The following ULK4 variants were observed in gnomAD, a reference collection of about 807,000 sequenced individuals.
ULK4 encodes unc-51 like kinase 4, also known as inactive serine/threonine-protein kinase ULK4.
ULK4 carries 133 observed loss-of-function variants against 160.6 expected under a neutral mutation model. That is an observed-to-expected ratio of 0.83 (90% confidence interval 0.72 to 0.96). ULK4 has a LOEUF of 0.96. Among genes scored for constraint, ULK4 ranks in the 40% least tolerant of loss-of-function variants. The pLI, the probability that ULK4 is intolerant of heterozygous loss-of-function variation, is 0.00. For synonymous variants in ULK4, 534 were observed against 539.8 expected (o/e 0.99, Z 0.15); for missense variants, 1,580 against 1,499.5 (o/e 1.05, Z -0.89).
At chr3:41,681,861 C>T (rs1216301433) in intron 27 of ULK4, 57 bp from the exon 28 acceptor site, 13 of 1,580,696 alleles carry the variant, frequency 8.2e-6, no homozygotes, top group Non-Finnish European at 1.1e-5. Flanking sequence ...CTGATATCAA[C>T]CACTATCTAT....
chr3:41,742,810 T>C (rs1170818161), intron 22 of ULK4, among the ~76,000 whole-genome samples: 2 of 151,382 alleles, frequency 1.3e-5, no homozygotes, highest in Admixed American at 1.3e-4. Flanking sequence ...ACTGAAAAAA[T>C]ACAATAACCG....
At position 41,882,162 on chromosome 3, in the gene ULK4, A is replaced by C. The variant is rs1170128340; in HGVS notation, c.1656+1712T>G. The C allele has an allele frequency of 5.7e-6, 4 of 701,476 alleles. No individual in the cohort carries two copies. In the Admixed American group the frequency reaches 6.0e-5, roughly 11 times the overall value. 43.5% of individuals were successfully genotyped at this position (701,476 alleles called of 1,614,324 possible). ...CACGGAGTCCCAAGAATGCTGATACAGTTTTATTTATTTTGAAATATTTGT... is the reference window on the plus strand; with the variant it reads ...CACGGAGTCCCAAGAATGCTGATACCGTTTTATTTATTTTGAAATATTTGT... On this transcript the variant is annotated intron_variant, in intron 17 of 36. Transcript: ENST00000301831.
chr3:41,757,979 T>C (rs113440346), intron 21 of ULK4, among the ~76,000 whole-genome samples: 6 of 152,316 alleles, frequency 3.9e-5, no homozygotes, highest in African/African-American at 1.2e-4. Context: ...CTGCCCCCAT[T>C]CATATGTTAA....
intron 34 of ULK4, among the ~76,000 whole-genome samples, chr3:41,447,923 C>T (rs557503140): frequency 6.6e-6 from 1 of 152,280 alleles, no homozygotes; most frequent in East Asian, 1.9e-4. Context: ...CGAGCCGAGC[C>T]AGTGAGCCAT....
At chr3:41,685,301 G>T (rs1198955267) in intron 27 of ULK4, among the ~76,000 whole-genome samples, 1 of 152,156 alleles carries the variant, frequency 6.6e-6, no homozygotes, top group East Asian at 1.9e-4. Context: ...GCATAAAGAA[G>T]GTGAAGTTTC....
intron 35 of ULK4, among the ~76,000 whole-genome samples, chr3:41,306,473 T>TG (rs1251997989): frequency 1.1e-4 from 12 of 104,660 alleles, no homozygotes; most frequent in East Asian, 9.3e-4. Flanking sequence ...GGGAGGGAGG[T>TG]GGGGGGGTCA....
At chr3:41,484,997 A>G (rs1245394751) in intron 32 of ULK4, among the ~76,000 whole-genome samples, 1 of 152,262 alleles carries the variant, frequency 6.6e-6, no homozygotes, top group African/African-American at 2.4e-5. Context: ...CAGACATTGG[A>G]ATAACCTAAT....
At chr3:41,345,198 T>C (rs2080774750) in intron 35 of ULK4, among the ~76,000 whole-genome samples, 1 of 152,178 alleles carries the variant, frequency 6.6e-6, no homozygotes, top group Non-Finnish European at 1.5e-5. Context: ...AGTTCAACCA[T>C]TGTGGATGAC....
At chr3:41,621,523 C>A (rs943398930) in intron 30 of ULK4, among the ~76,000 whole-genome samples, 1 of 152,180 alleles carries the variant, frequency 6.6e-6, no homozygotes, top group Non-Finnish European at 1.5e-5. Flanking sequence ...AAAGGATTCC[C>A]TATTTAATAA....
At chr3:41,951,782 C>T (rs1700303064) in intron 2 of ULK4, among the ~76,000 whole-genome samples, 1 of 152,134 alleles carries the variant, frequency 6.6e-6, no homozygotes, top group Admixed American at 6.5e-5. Flanking sequence ...GGGCTCTGCC[C>T]TCATAAATAA....
At chr3:41,432,141 G>C (rs558218020) in intron 34 of ULK4, among the ~76,000 whole-genome samples, 1 of 151,976 alleles carries the variant, frequency 6.6e-6, no homozygotes, top group African/African-American at 2.4e-5. Flanking sequence ...AGGCAACGAC[G>C]GCTTCTACAG....
chr3:41,652,641 A>G (rs2034786612), intron 30 of ULK4, among the ~76,000 whole-genome samples: 3 of 152,210 alleles, frequency 2.0e-5, no homozygotes, highest in Admixed American at 6.5e-5. Context: ...GCAGTAGTGA[A>G]AAGCAGAAAG....
chr3:41,397,972 G>T, intron 35 of ULK4, 107 bp downstream of exon 35: 2 of 1,303,256 alleles, frequency 1.5e-6, no homozygotes, highest in Non-Finnish European at 2.1e-6. Flanking sequence ...GACAACTCTT[G>T]CAAATTCTCT....
intron 34 of ULK4, among the ~76,000 whole-genome samples, chr3:41,425,628 T>C (rs191815206): frequency 1.3e-5 from 2 of 152,282 alleles, no homozygotes; most frequent in East Asian, 1.9e-4. Flanking sequence ...ATATTCAACA[T>C]AATTCCCAAA....
intron 35 of ULK4, among the ~76,000 whole-genome samples, chr3:41,295,190 A>ACCTTT (rs1260123578): frequency 7.3e-6 from 1 of 136,812 alleles, no homozygotes; most frequent in African/African-American, 2.6e-5. Flanking sequence ...AGGCAAAACA[A>ACCTTT]TGGAGCAAAC....
chr3:41,516,426 A>G (rs1035200032), intron 32 of ULK4, among the ~76,000 whole-genome samples: 16 of 152,302 alleles, frequency 1.1e-4, no homozygotes, highest in South Asian at 8.3e-4. Flanking sequence ...AGGCTAGGAT[A>G]AAATATTTGC....
At chr3:41,550,977 A>C (rs1001058729) in intron 32 of ULK4, among the ~76,000 whole-genome samples, 3 of 152,046 alleles carry the variant, frequency 2.0e-5, no homozygotes, top group African/African-American at 7.2e-5. Context: ...AATACCATAA[A>C]GAATGCTGGA....
At chr3:41,776,536 A>G (rs17062370) in intron 21 of ULK4, among the ~76,000 whole-genome samples, 9,325 of 150,784 alleles carry the variant, frequency 0.062, 1,566 homozygotes, top group African/African-American at 0.21. Context: ...ACATTTCTAT[A>G]AACAGATACA....
At chr3:41,955,603 TA>T (rs1700455885) in intron 1 of ULK4, 1 of 156,052 alleles carries the variant, frequency 6.4e-6, no homozygotes, top group Non-Finnish European at 1.5e-5. Flanking sequence ...CTTTACTCCC[TA>T]CGAGCTGGCG....
Sources: allele counts gnomAD v4.1 joint callset (sites outside exome capture counted in the v4.1 genomes callset), GRCh38; gene constraint gnomAD v4.1.1; transcripts MANE v1.5; gene names NCBI Gene and HGNC (gene_info 2026-07-23, HGNC 2026-07-21).